BTF3L4: variants seen among roughly 807,000 people sequenced by gnomAD.
The protein encoded by BTF3L4 is transcription factor BTF3 homolog 4.
Under a neutral mutation model 16.8 loss-of-function variants are expected in BTF3L4, and 6 were observed. The ratio of observed to expected loss-of-function variants is 0.36; its 90% CI spans 0.20 to 0.71. The LOEUF (loss-of-function observed/expected upper bound fraction) is 0.71, where lower values mean the gene tolerates loss of function less well. Among genes scored for constraint, BTF3L4 ranks in the 30% least tolerant of loss-of-function variants. The pLI is 0.58. For synonymous variants in BTF3L4, 39 were observed against 59.8 expected, an observed-to-expected ratio of 0.65 and a Z score of 1.60; for missense variants, 92 against 186.9, an observed-to-expected ratio of 0.49 and a Z score of 2.96.
At chr1:52,062,197 C>CTTTTTTT (rs34904880) in intron 2 of BTF3L4, among the ~76,000 whole-genome samples, 1 of 53,616 alleles carries the variant, frequency 1.9e-5, no homozygotes, top group African/African-American at 6.5e-5. Flanking sequence ...CCGCCTCGGC[C>CTTTTTTT]TTTTTTTTTT....
intron 2 of BTF3L4, among the ~76,000 whole-genome samples, chr1:52,061,303 A>G (rs1043191378): frequency 3.9e-5 from 6 of 152,034 alleles, no homozygotes; most frequent in African/African-American, 1.4e-4. Context: ...AGCCTAGCCA[A>G]CATGGTGAAA....
intron 2 of BTF3L4, among the ~76,000 whole-genome samples, chr1:52,061,519 AG>A (rs1439047995): frequency 6.7e-6 from 1 of 148,804 alleles, no homozygotes; most frequent in Admixed American, 6.7e-5. Flanking sequence ...AATAGGTAAG[AG>A]GGTTCATGAG....
At chr1:52,078,229 C>CTTT (rs376320702) in intron 3 of BTF3L4, among the ~76,000 whole-genome samples, 95,810 of 132,052 alleles carry the variant, frequency 0.73, 37,654 homozygotes, top group Non-Finnish European at 0.87. Flanking sequence ...ATTGCTTTTG[C>CTTT]TTTTTTTTTT....
intron 3 of BTF3L4, among the ~76,000 whole-genome samples, chr1:52,069,801 T>C (rs1363808741): frequency 6.6e-6 from 1 of 152,196 alleles, no homozygotes; most frequent in East Asian, 1.9e-4. Flanking sequence ...AAAGTGTTTC[T>C]CCATACCCCT....
At chr1:52,066,570 G>A (rs1391206119) in intron 3 of BTF3L4, among the ~76,000 whole-genome samples, 1 of 151,536 alleles carries the variant, frequency 6.6e-6, no homozygotes, top group Non-Finnish European at 1.5e-5. Flanking sequence ...CCGGCCGGGT[G>A]CGGTGGCTCA....
At position 52,090,626 on chromosome 1, in the gene BTF3L4, T is replaced by G. The variant is rs1465426992; in HGVS notation, c.*3868T>G. ...AGATTATTTGATTTTCTTTTTACTT[T>G]CTCGTAGTGCCCAATGTGTAGTTTA... On this transcript the variant is annotated 3_prime_UTR_variant, in exon 6 of 6. Coordinates refer to ENST00000313334, the MANE Select transcript of BTF3L4 (RefSeq NM_152265.5). The G allele has an allele frequency of 6.6e-6, 1 of 152,230 alleles. No individual in the cohort carries two copies. The highest frequency in any genetic ancestry group is 2.4e-5 in the African/African-American group (1 of 41,462). The allele number at this position is 152,230 out of a possible 1,614,324, so 9.4% of individuals were successfully genotyped here. A position where few individuals can be genotyped will look rare whatever the true frequency, so the allele number is the denominator to read the frequency against.
chr1:52,059,462 C>G (rs1161327279), intron 1 of BTF3L4, among the ~76,000 whole-genome samples: 1 of 152,132 alleles, frequency 6.6e-6, no homozygotes, highest in Non-Finnish European at 1.5e-5. Context: ...TAACAGCTCT[C>G]TGCTGTAAAA....
Position 52,080,516 on chromosome 1 carries a change from T to TG in BTF3L4, c.169-2821dup, listed in dbSNP as rs1558009918. On this transcript the variant is annotated intron_variant, in intron 3 of 5. Coordinates refer to ENST00000313334, the MANE Select transcript of BTF3L4 (RefSeq NM_152265.5). Reference sequence around the variant, plus strand: ...AGCATTTTAGAAATCTTTGGTTTTTTGGGTTTTTTTTTTTTTTTTTTTTTT... The same window carrying TG: ...AGCATTTTAGAAATCTTTGGTTTTTTGGGGTTTTTTTTTTTTTTTTTTTTTT... Among the ~76,000 whole-genome samples, 5 of 143,788 alleles carry TG rather than the reference T, an allele frequency of 3.5e-5. No individual in the cohort carries two copies. In the East Asian group the frequency reaches 6.1e-4, roughly 18 times the overall value. 94.3% of individuals were successfully genotyped at this position (143,788 alleles called of 152,430 possible).
At chr1:52,071,931 CTGTGTG>C (rs59491944) in intron 3 of BTF3L4, among the ~76,000 whole-genome samples, 11,853 of 127,886 alleles carry the variant, frequency 0.093, 652 homozygotes, top group Non-Finnish European at 0.12. Context: ...GTTTTTTACT[CTGTGTG>C]TGTGTGTGTG....
In BTF3L4 at chr1:52,087,528, C is replaced by T. The variant is rs1038829014; in HGVS notation, c.*770C>T. 6.6e-6 allele frequency: 1 copy of T among 152,148 alleles called. No homozygotes were observed. Among genetic ancestry groups the T allele is most frequent in the Non-Finnish European group, 1.5e-5 (1 of 68,038 alleles). The allele number at this position is 152,148 out of a possible 1,614,324, so 9.4% of individuals were successfully genotyped here. On this transcript the variant is annotated 3_prime_UTR_variant, in exon 6 of 6. Coordinates refer to ENST00000313334, the MANE Select transcript of BTF3L4 (RefSeq NM_152265.5). ...TTCCACCTAGCTTGAGAAGGATGTT[C>T]TCCATATAGAGTTTAGCGAGTGCCT...
rs183585617 is a variant in BTF3L4, at chr1:52,065,769, G to A, written c.168+831G>A. Among the ~76,000 whole-genome samples, 352 of 152,218 alleles carry A rather than the reference G, an allele frequency of 2.3e-3. 2 individuals carry two copies. Among genetic ancestry groups the A allele is most frequent in the African/African-American group, 8.1e-3 (336 of 41,544 alleles). ...AATGTATTAGTCAGCCGGGTGCAGT[G>A]GCTCACGCCTGTAATCTCAGCACTT... On this transcript the variant is annotated intron_variant, in intron 3 of 5. Coordinates refer to ENST00000313334, the MANE Select transcript of BTF3L4 (RefSeq NM_152265.5).
At position 52,083,442 on chromosome 1, in the gene BTF3L4, G is replaced by A; in HGVS notation, c.271G>A (p.Ala91Thr). 6.2e-7 allele frequency: 1 copy of A among 1,612,058 alleles called. No homozygotes were observed. Among genetic ancestry groups the A allele is most frequent in the Non-Finnish European group, 8.5e-7 (1 of 1,178,442 alleles). The part of the protein sequence containing the change: ...NTFAITGHAE[A>T]KPITEMLPGI... ...CTTTGCAATTACTGGTCATGCAGAAGCCAAACCAATCACAGAAATGCTTCC... is the reference window on the plus strand; with the variant it reads ...CTTTGCAATTACTGGTCATGCAGAAACCAAACCAATCACAGAAATGCTTCC... The change falls in exon 4 of 6, where the codon GCC becomes ACC. Residue 91 changes from alanine (A) to threonine (T), a missense_variant. Physicochemically the swap from Ala to Thr is moderately conservative, Grantham distance 58. Transcript: ENST00000313334.
intron 3 of BTF3L4, among the ~76,000 whole-genome samples, chr1:52,074,458 G>C (rs1190165410): frequency 6.6e-6 from 1 of 151,908 alleles, no homozygotes; most frequent in Non-Finnish European, 1.5e-5. Context: ...TGGCCTCCCA[G>C]GTTCAAGCGA....
At chr1:52,079,867 CTTTTCTTTT>C (rs1643900179) in intron 3 of BTF3L4, among the ~76,000 whole-genome samples, 3 of 28,108 alleles carry the variant, frequency 1.1e-4, no homozygotes, top group Non-Finnish European at 1.7e-4. Context: ...TTTTTCTTTT[CTTTTCTTTT>C]TTTTTTTTTT....
At position 52,080,181 on chromosome 1, in the gene BTF3L4, A is replaced by G. The variant is rs533617722; in HGVS notation, c.169-3159A>G. ...GCACCCAGCTGAATTGAATTTTTGT[A>G]GGCAAATAAGCGTTTTAAGTATGAG... On this transcript the variant is annotated intron_variant, in intron 3 of 5. Transcript: ENST00000313334. Among the ~76,000 whole-genome samples the G allele has an allele frequency of 6.8e-4, 104 of 152,190 alleles. No individual in the cohort carries two copies. In the Middle Eastern group the frequency reaches 0.017, roughly 25 times the overall value.
At chr1:52,060,009 A>T in intron 2 of BTF3L4, 108 bp downstream of exon 2, 4 of 1,004,180 alleles carry the variant, frequency 4.0e-6, no homozygotes, top group Admixed American at 2.7e-5. Flanking sequence ...AATAATCAAG[A>T]TCAAACCACA....
intron 3 of BTF3L4, among the ~76,000 whole-genome samples, chr1:52,076,236 A>G (rs1379330964): frequency 6.6e-6 from 1 of 152,108 alleles, no homozygotes; most frequent in African/African-American, 2.4e-5. Flanking sequence ...AGATAGCACC[A>G]CTGCATTCCA....
At chr1:52,070,633 CTTTT>C (rs35272382) in intron 3 of BTF3L4, among the ~76,000 whole-genome samples, 13 of 101,662 alleles carry the variant, frequency 1.3e-4, no homozygotes, top group Admixed American at 2.3e-4. Flanking sequence ...AAATAACCAG[CTTTT>C]TTTTTTTTTT....
At position 52,066,113 on chromosome 1, in the gene BTF3L4, GT is replaced by G. The variant is rs1328103170; in HGVS notation, c.168+1177del. Among the ~76,000 whole-genome samples the G allele has an allele frequency of 2.6e-5, 4 of 152,168 alleles. No individual in the cohort carries two copies. The South Asian group carries it at 8.3e-4, about 32-fold the overall frequency. Reference sequence around the variant, plus strand: ...CTCAAATATGAGACCAAAGATTAATGTTATTCCAGAAGATACTTAATAAATA... The same window carrying G: ...CTCAAATATGAGACCAAAGATTAATGTATTCCAGAAGATACTTAATAAATA... On this transcript the variant is annotated intron_variant, in intron 3 of 5. Coordinates refer to ENST00000313334, the MANE Select transcript of BTF3L4 (RefSeq NM_152265.5).
Sources: gnomAD v4.1 joint callset for allele counts (sites outside exome capture counted in the v4.1 genomes callset) on GRCh38, gnomAD v4.1.1 for gene constraint, MANE v1.5 for transcripts, NCBI Gene and HGNC (gene_info 2026-07-23, HGNC 2026-07-21) for gene names.